FMNL2: variants seen among roughly 807,000 people sequenced by gnomAD.
The protein encoded by FMNL2 is formin-like protein 2.
In FMNL2, 51 loss-of-function variants were observed where a neutral mutation model predicts 130.2. That is an observed-to-expected ratio of 0.39 (90% confidence interval 0.31 to 0.49). The LOEUF (loss-of-function observed/expected upper bound fraction) is 0.49. Ranked by LOEUF, FMNL2 falls within the 20% of genes least tolerant of loss-of-function variation. The probability of loss-of-function intolerance (pLI) is 0.85; values close to 1 mark genes in which losing one functional copy is unlikely to be tolerated. For synonymous variants in FMNL2, 465 were observed against 467.1 expected, an observed-to-expected ratio of 1.00 and a Z score of 0.06; for missense variants, 977 against 1,316.2, an observed-to-expected ratio of 0.74 and a Z score of 3.99.
Position 152,335,688 on chromosome 2 carries a change from G to C in FMNL2, c.85G>C (p.Gly29Arg). 2 of 1,587,970 alleles carry C rather than the reference G, an allele frequency of 1.3e-6. No homozygotes were observed. Among genetic ancestry groups the C allele is most frequent in the Non-Finnish European group, 1.7e-6 (2 of 1,167,516 alleles). The change falls in exon 1 of 26, where the codon GGT becomes CGT. Residue 29 changes from glycine (G) to arginine (R), a missense_variant. Gly to Arg is a moderately radical substitution (Grantham distance 125, BLOSUM62 -2). Transcript: ENST00000288670. ...VPLKLPMPEP[G>R]ELEERFAIVL... ...TTTGAAGCTGCCGATGCCAGAGCCA[G>C]GTGAACTGGAGGAGCGATTTGCCAT...
intron 1 of FMNL2, among the ~76,000 whole-genome samples, chr2:152,474,051 A>G (rs1690001699): frequency 1.3e-5 from 2 of 152,116 alleles, no homozygotes; most frequent in East Asian, 3.9e-4. Context: ...ATTTTTTTGT[A>G]TTTTTAGTAG....
intron 4 of FMNL2, among the ~76,000 whole-genome samples, chr2:152,557,580 C>T (rs1695296555): frequency 6.6e-6 from 1 of 152,118 alleles, no homozygotes; most frequent in South Asian, 2.1e-4. Flanking sequence ...TTCCCCCTGC[C>T]AAAAATTAAA....
In FMNL2 at chr2:152,487,784, C is replaced by CT. The variant is rs752010491; in HGVS notation, c.118-34145dup. Among the ~76,000 whole-genome samples, 1,367 of 141,514 alleles carry CT rather than the reference C, an allele frequency of 9.7e-3. 12 individuals are homozygous for CT. The highest frequency in any genetic ancestry group is 0.038 in the East Asian group (186 of 4,898). 92.8% of individuals were successfully genotyped at this position (141,514 alleles called of 152,430 possible). On this transcript the variant is annotated intron_variant, in intron 1 of 25. Transcript: ENST00000288670. ...TAAAACACTTTTAGATGAATTCTTT[C>CT]TTTTTTTTTTTTTTCCTTTTTGAGA...
intron 1 of FMNL2, among the ~76,000 whole-genome samples, chr2:152,378,320 A>G (rs1314229959): frequency 1.3e-5 from 2 of 152,122 alleles, no homozygotes; most frequent in East Asian, 3.8e-4. Flanking sequence ...ACACTTTAAT[A>G]TCCTTTTCTA....
At chr2:152,433,370 G>A (rs1264163172) in intron 1 of FMNL2, among the ~76,000 whole-genome samples, 2 of 152,182 alleles carry the variant, frequency 1.3e-5, no homozygotes, top group Admixed American at 6.5e-5. Context: ...TTTTAGGGGA[G>A]AAGTCATCTA....
chr2:152,503,439 TG>T (rs899155082), intron 1 of FMNL2, among the ~76,000 whole-genome samples: 1 of 152,004 alleles, frequency 6.6e-6, no homozygotes, highest in Non-Finnish European at 1.5e-5. Flanking sequence ...AATTAATTAG[TG>T]GGGGTGATTA....
At chr2:152,524,854 T>C (rs1693297570) in intron 2 of FMNL2, among the ~76,000 whole-genome samples, 1 of 152,172 alleles carries the variant, frequency 6.6e-6, no homozygotes, top group Non-Finnish European at 1.5e-5. Flanking sequence ...TGGATGAATT[T>C]AGACTTTTAG....
At chr2:152,546,156 G>A (rs1049624570) in intron 3 of FMNL2, among the ~76,000 whole-genome samples, 3 of 152,294 alleles carry the variant, frequency 2.0e-5, no homozygotes, top group East Asian at 3.9e-4. Context: ...ACCTTGCCCC[G>A]AGGAAGCAGA....
In FMNL2 at chr2:152,637,641, T is replaced by C; in HGVS notation, c.2913T>C (p.Phe971=). 1 of 1,614,010 alleles carries C rather than the reference T, an allele frequency of 6.2e-7. No individual in the cohort carries two copies. Among genetic ancestry groups the C allele is most frequent in the Non-Finnish European group, 8.5e-7 (1 of 1,179,868 alleles). ...AGACAACACCACCCTCTGTCTTCTT[T>C]CCTGTCTTTGTCCGGTTTGTGAAAG... ...NPKTTPPSVF[F]PVFVRFVKAY... The change falls in exon 23 of 26, where the codon TTT becomes TTC. Residue 971 remains phenylalanine, a synonymous_variant. Transcript: ENST00000288670.
intron 1 of FMNL2, among the ~76,000 whole-genome samples, chr2:152,423,142 G>T (rs923193599): frequency 1.3e-5 from 2 of 152,120 alleles, no homozygotes; most frequent in Non-Finnish European, 1.5e-5. Flanking sequence ...AATGTAAAAT[G>T]GGATATCTTC....
intron 1 of FMNL2, among the ~76,000 whole-genome samples, chr2:152,517,751 A>G (rs1692855354): frequency 6.6e-6 from 1 of 152,224 alleles, no homozygotes; most frequent in African/African-American, 2.4e-5. Context: ...TTCAAATATC[A>G]TATGTCTTCC....
intron 12 of FMNL2, among the ~76,000 whole-genome samples, chr2:152,616,297 T>A (rs1362254991): frequency 6.6e-6 from 1 of 150,606 alleles, no homozygotes; most frequent in East Asian, 1.9e-4. Flanking sequence ...CTCCCCCAAA[T>A]AACTTTTATT....
At chr2:152,546,821 C>CA (rs1194858713) in intron 3 of FMNL2, among the ~76,000 whole-genome samples, 1 of 152,176 alleles carries the variant, frequency 6.6e-6, no homozygotes, top group Non-Finnish European at 1.5e-5. Flanking sequence ...TCTCTATATA[C>CA]ACAGCAGACT....
rs1385593706 is a variant in FMNL2 at position 152,648,029 on chromosome 2, A to G, written c.*124A>G. 2 of 842,944 alleles carry G rather than the reference A, an allele frequency of 2.4e-6. No homozygotes were observed. The highest frequency in any genetic ancestry group is 2.9e-5 in the Admixed American group (1 of 34,828). The allele number at this position is 842,944 out of a possible 1,614,324, so 52.2% of individuals were successfully genotyped here. On this transcript the variant is annotated 3_prime_UTR_variant, in exon 26 of 26. Coordinates refer to ENST00000288670, the MANE Select transcript of FMNL2 (RefSeq NM_052905.4). ...AAAATATTCTTAAGGGCTCAGATTT[A>G]GCAAACACGGAAGAATTTTAAAATG...
At chr2:152,441,905 G>C (rs1440431125) in intron 1 of FMNL2, among the ~76,000 whole-genome samples, 2 of 152,102 alleles carry the variant, frequency 1.3e-5, no homozygotes, top group Non-Finnish European at 2.9e-5. Context: ...TAGGAAATGA[G>C]AATTGGTGGT....
At chr2:152,442,647 T>C (rs947075409) in intron 1 of FMNL2, among the ~76,000 whole-genome samples, 2 of 152,226 alleles carry the variant, frequency 1.3e-5, no homozygotes, top group African/African-American at 2.4e-5. Context: ...TTTGTGTGTT[T>C]AGACTTTATT....
At chr2:152,471,985 A>G (rs948751964) in intron 1 of FMNL2, among the ~76,000 whole-genome samples, 2 of 152,202 alleles carry the variant, frequency 1.3e-5, no homozygotes, top group Admixed American at 6.5e-5. Context: ...ACCCAACACT[A>G]ACAGCTGATC....
intron 1 of FMNL2, among the ~76,000 whole-genome samples, chr2:152,485,008 G>T (rs1277719185): frequency 6.6e-6 from 1 of 152,104 alleles, no homozygotes; most frequent in Non-Finnish European, 1.5e-5. Context: ...AAGAATAGAT[G>T]GCATTTGATG....
intron 2 of FMNL2, among the ~76,000 whole-genome samples, chr2:152,540,764 C>T (rs895339326): frequency 5.3e-5 from 8 of 151,732 alleles, no homozygotes; most frequent in African/African-American, 1.5e-4. Flanking sequence ...GTGGGTGCAG[C>T]GCACCAGCAT....
Sources: gnomAD v4.1 joint callset for allele counts (sites outside exome capture counted in the v4.1 genomes callset) on GRCh38, gnomAD v4.1.1 for gene constraint, MANE v1.5 for transcripts, NCBI Gene and HGNC (gene_info 2026-07-23, HGNC 2026-07-21) for gene names.